Variants in PIWIL3 observed in about 807,000 individuals in gnomAD.
PIWIL3 encodes the protein piwi like RNA-mediated gene silencing 3.
In PIWIL3, 101 loss-of-function variants were observed where a neutral mutation model predicts 109.7. That is an observed-to-expected ratio of 0.92 (90% CI 0.78 to 1.09). The LOEUF (loss-of-function observed/expected upper bound fraction) is 1.09. Ranked by LOEUF, PIWIL3 falls within the 50% of genes least tolerant of loss-of-function variation. The pLI, the probability that PIWIL3 is intolerant of heterozygous loss-of-function variation, is 0.00. For missense variants in PIWIL3, 1,031 were observed against 1,072.6 expected (o/e 0.96, Z 0.54); for synonymous variants, 373 against 376.4 (o/e 0.99, Z 0.10).
intron 12 of PIWIL3, among the ~76,000 whole-genome samples, chr22:24,748,592 G>GT (rs974362843): frequency 6.6e-5 from 10 of 152,032 alleles, no homozygotes; most frequent in South Asian, 2.1e-4. Context: ...TTTAAATAAA[G>GT]TTTTTTTGAC....
intron 5 of PIWIL3, 66 bp downstream of exon 5, chr22:24,756,425 G>A: frequency 6.8e-7 from 1 of 1,460,190 alleles, no homozygotes; most frequent in Non-Finnish European, 9.4e-7. Context: ...AACAATAGGT[G>A]TTTTATTATA....
In PIWIL3 at chr22:24,723,269, G is replaced by T; in HGVS notation, c.2232-14C>A. 6.2e-7 allele frequency: 1 copy of T among 1,604,394 alleles called. No individual in the cohort carries two copies. Among genetic ancestry groups the T allele is most frequent in the South Asian group, 1.1e-5 (1 of 90,810 alleles). Reference sequence around the variant, plus strand: ...GCTAGAGTGAAACTTAAAAAAATTAGGGTAAGTGTCACTATGTTTACTCAG... The same window carrying T: ...GCTAGAGTGAAACTTAAAAAAATTATGGTAAGTGTCACTATGTTTACTCAG... On this transcript the variant is annotated splice_polypyrimidine_tract_variant and intron_variant, in intron 18 of 20. Coordinates refer to ENST00000616349, the MANE Select transcript of PIWIL3 (RefSeq NM_001255975.1).
chr22:24,762,502 T>C lies in PIWIL3; in HGVS notation c.-3A>G. ...CGAGTCCTTGCCCTACCAGGCATTG[T>C]GGTCCTGAAGGTGATGACCCTGAAG... On this transcript the variant is annotated 5_prime_UTR_variant, in exon 2 of 21. Transcript: ENST00000616349. The C allele has an allele frequency of 6.2e-7, 1 of 1,611,304 alleles. No individual in the cohort carries two copies. Among genetic ancestry groups the C allele is most frequent in the East Asian group, 2.2e-5 (1 of 44,808 alleles).
Position 24,727,938 on chromosome 22 carries a change from G to A in PIWIL3, c.2009+12C>T. 1 of 1,591,944 alleles carries A rather than the reference G, an allele frequency of 6.3e-7. No homozygotes were observed. ...AGCTACTAACTAAACATGTCTACCA[G>A]AGCTTACTTACTTTGTTAATTCAGC... On this transcript the variant is annotated intron_variant, in intron 16 of 20. Transcript: ENST00000616349.
chr22:24,757,490 G>A (rs79429059), intron 4 of PIWIL3, among the ~76,000 whole-genome samples: 3,779 of 151,868 alleles, frequency 0.025, 63 homozygotes, highest in African/African-American at 0.043. Flanking sequence ...AGTTTTTATC[G>A]AAAGTTTAAA....
Position 24,725,019 on chromosome 22 carries a change from C to T in PIWIL3, c.2099G>A (p.Cys700Tyr). The T allele has an allele frequency of 6.2e-7, 1 of 1,614,182 alleles. No homozygotes were observed. Among genetic ancestry groups the T allele is most frequent in the Non-Finnish European group, 8.5e-7 (1 of 1,180,016 alleles). ...ATGTGGCATCGATGATTCGTTTTTACACCAGACATCCAGGGCAGCTAAGAG... is the reference window on the plus strand; with the variant it reads ...ATGTGGCATCGATGATTCGTTTTTATACCAGACATCCAGGGCAGCTAAGAG... The part of the protein sequence containing the change: ...ICLKAALDVW[C>Y]KNESSMPHSV... Residue 700 changes from cysteine (C) to tyrosine (Y), a missense_variant, in exon 18 of 21, where the codon TGT becomes TAT. Coordinates refer to ENST00000616349, the MANE Select transcript of PIWIL3 (RefSeq NM_001255975.1).
At chr22:24,745,717 GAAAAA>G (rs71189273) in intron 12 of PIWIL3, among the ~76,000 whole-genome samples, 4 of 80,252 alleles carry the variant, frequency 5.0e-5, no homozygotes, top group Non-Finnish European at 1.0e-4. Flanking sequence ...GTCAGACTAA[GAAAAA>G]AAAAAAAAAA....
Position 24,754,863 on chromosome 22 carries a change from T to G in PIWIL3, c.694A>C (p.Thr232Pro). 6.2e-7 allele frequency: 1 copy of G among 1,611,046 alleles called. No individual in the cohort carries two copies. Residue 232 changes from threonine to proline, a missense_variant and splice_region_variant, in exon 7 of 21, where the codon ACT (threonine) becomes CCT (proline). Coordinates refer to ENST00000616349, the MANE Select transcript of PIWIL3 (RefSeq NM_001255975.1). Reference protein sequence around the residue: ...LRYYNILFRRTFKLLDFEQVG... With the variant: ...LRYYNILFRRPFKLLDFEQVG... ...TGTTCAAAATCCAGCAGCTTGAAAGTTCTGGAAATGGAAAGAATAGATTTT... is the reference window on the plus strand; with the variant it reads ...TGTTCAAAATCCAGCAGCTTGAAAGGTCTGGAAATGGAAAGAATAGATTTT...
chr22:24,758,377 A>T (rs140526415), intron 3 of PIWIL3, among the ~76,000 whole-genome samples: 335 of 152,346 alleles, frequency 2.2e-3, no homozygotes, highest in Non-Finnish European at 3.7e-3. Flanking sequence ...AGTGGGCATC[A>T]TAAAATGCCA....
At chr22:24,757,566 G>T (rs1019975957) in intron 4 of PIWIL3, among the ~76,000 whole-genome samples, 1 of 91,142 alleles carries the variant, frequency 1.1e-5, no homozygotes, top group Non-Finnish European at 2.4e-5. Flanking sequence ...TGTAAGGATG[G>T]CTTGGGCCAG....
At chr22:24,770,882 A>T (rs34769703) in intron 1 of PIWIL3, among the ~76,000 whole-genome samples, 1 of 151,654 alleles carries the variant, frequency 6.6e-6, no homozygotes, top group African/African-American at 2.4e-5. Flanking sequence ...AGAAAAATAA[A>T]CCAAGCATGA....
chr22:24,719,502 A>G lies in PIWIL3; in HGVS notation c.2592T>C (p.Arg864=). ...VGQSIHQEPN[R]SLSTRLFYL ...GGTAAAAGAGACGAGTTGACAAGGA[A>G]CGATTCGGTTCCTGGTGAATGGACT... Residue 864 remains arginine, a synonymous_variant, in exon 21 of 21, where the codon CGT becomes CGC. Coordinates refer to ENST00000616349, the MANE Select transcript of PIWIL3 (RefSeq NM_001255975.1). 5.6e-6 allele frequency: 9 copies of G among 1,599,694 alleles called. No individual in the cohort carries two copies. Among genetic ancestry groups the G allele is most frequent in the Non-Finnish European group, 6.8e-6 (8 of 1,175,118 alleles).
At chr22:24,760,520 G>T (rs1925364117) in intron 2 of PIWIL3, among the ~76,000 whole-genome samples, 1 of 151,748 alleles carries the variant, frequency 6.6e-6, no homozygotes, top group Non-Finnish European at 1.5e-5. Flanking sequence ...AGGTGCAGTG[G>T]CTCACGCCTG....
At chr22:24,733,713 CAAA>C (rs35515315) in intron 14 of PIWIL3, among the ~76,000 whole-genome samples, 10 of 126,722 alleles carry the variant, frequency 7.9e-5, no homozygotes, top group African/African-American at 1.2e-4. Context: ...ACAACAACAA[CAAA>C]AAAAAACAGG....
At chr22:24,744,192 A>AC (rs1924200322) in intron 12 of PIWIL3, among the ~76,000 whole-genome samples, 5 of 147,476 alleles carry the variant, frequency 3.4e-5, no homozygotes, top group South Asian at 2.1e-4. Context: ...AAAAAAAAAA[A>AC]AAAAAAAAAA....
intron 13 of PIWIL3, among the ~76,000 whole-genome samples, chr22:24,734,861 C>T (rs1200649092): frequency 8.1e-6 from 1 of 123,374 alleles, no homozygotes; most frequent in Non-Finnish European, 1.7e-5. Flanking sequence ...AAAAAAACAA[C>T]GTTTAGGTTC....
At chr22:24,733,381 G>C (rs144753330) in intron 14 of PIWIL3, among the ~76,000 whole-genome samples, 31 of 151,964 alleles carry the variant, frequency 2.0e-4, no homozygotes, top group African/African-American at 6.7e-4. Flanking sequence ...GGAAAGAACA[G>C]ACTCCTAGAA....
At chr22:24,756,135 G>T (rs1318608820) in intron 5 of PIWIL3, among the ~76,000 whole-genome samples, 1 of 151,964 alleles carries the variant, frequency 6.6e-6, no homozygotes, top group African/African-American at 2.4e-5. Context: ...CAATTTAATT[G>T]TTCAGTTAAT....
chr22:24,736,042 T>C (rs1923639539), intron 12 of PIWIL3, 150 bp from the exon 13 acceptor site: 2 of 662,348 alleles, frequency 3.0e-6, no homozygotes, highest in East Asian at 6.1e-5. Flanking sequence ...TTCATTAAGA[T>C]ATAGGTTAAT....
Sources: gnomAD v4.1 joint callset for allele counts (sites outside exome capture counted in the v4.1 genomes callset) on GRCh38, gnomAD v4.1.1 for gene constraint, MANE v1.5 for transcripts, NCBI Gene and HGNC (gene_info 2026-07-23, HGNC 2026-07-21) for gene names.